The following PHACTR3 variants were observed in gnomAD, a reference collection of about 807,000 sequenced individuals.
PHACTR3 encodes the protein protein phosphatase 1, regulatory subunit 123.
A neutral mutation model predicts 66.8 loss-of-function variants in PHACTR3; 16 were observed. That is an observed-to-expected ratio of 0.24 (90% CI 0.16 to 0.36). The LOEUF (loss-of-function observed/expected upper bound fraction) is 0.36, where lower values mean the gene tolerates loss of function less well. PHACTR3 is among the 10% of genes least tolerant of loss of function. The probability of loss-of-function intolerance (pLI) is 1.00; values close to 1 mark genes in which losing one functional copy is unlikely to be tolerated. For synonymous variants in PHACTR3, 323 were observed against 292.1 expected (o/e 1.11, Z -1.08); for missense variants, 647 against 719.9 (o/e 0.90, Z 1.16).
At chr20:59,838,476 C>G (rs1045882264) in intron 9 of PHACTR3, among the ~76,000 whole-genome samples, 1 of 152,194 alleles carries the variant, frequency 6.6e-6, no homozygotes, top group African/African-American at 2.4e-5. Flanking sequence ...AGCAGAAGAG[C>G]AGGGGTCCCT....
chr20:59,600,878 T>C (rs1222760748), upstream of PHACTR3, among the ~76,000 whole-genome samples: 1 of 151,288 alleles, frequency 6.6e-6, no homozygotes, highest in Non-Finnish European at 1.5e-5. Context: ...GTGTTGATTA[T>C]GCCCACCAGG....
intron 1 of PHACTR3, among the ~76,000 whole-genome samples, chr20:59,700,460 G>A (rs976238953): frequency 1.3e-5 from 2 of 152,176 alleles, no homozygotes; most frequent in African/African-American, 4.8e-5. Flanking sequence ...TAAAACATTG[G>A]CCTGCAAAGA....
At chr20:59,583,988 G>A (rs1042429973) in intron 1 of PHACTR3, among the ~76,000 whole-genome samples, 6 of 152,388 alleles carry the variant, frequency 3.9e-5, no homozygotes, top group Admixed American at 6.5e-5. Flanking sequence ...CTCACACTAC[G>A]AAGTGGGCCA....
intron 1 of PHACTR3, among the ~76,000 whole-genome samples, chr20:59,702,351 C>T (rs1442339051): frequency 6.6e-6 from 1 of 152,130 alleles, no homozygotes; most frequent in Non-Finnish European, 1.5e-5. Context: ...TTTTGTGCAC[C>T]ATGTTGGATC....
chr20:59,589,099 C>T (rs888413326), intron 1 of PHACTR3, among the ~76,000 whole-genome samples: 20 of 152,194 alleles, frequency 1.3e-4, no homozygotes, highest in African/African-American at 4.3e-4. Flanking sequence ...CAGCAGGGTC[C>T]GTGACCGCAA....
intron 1 of PHACTR3, among the ~76,000 whole-genome samples, chr20:59,629,125 A>C (rs2146386940): frequency 6.6e-6 from 1 of 152,330 alleles, no homozygotes; most frequent in Non-Finnish European, 1.5e-5. Context: ...TTGACTTTTA[A>C]ATAATGAGGC....
intron 12 of PHACTR3, 119 bp downstream of exon 12, chr20:59,845,384 T>G (rs2145537422): frequency 1.6e-6 from 1 of 642,144 alleles, no homozygotes; most frequent in South Asian, 2.0e-5. Context: ...TCCAGAGAAC[T>G]CTATTGAACA....
At chr20:59,792,427 T>C (rs1600666060) in intron 7 of PHACTR3, among the ~76,000 whole-genome samples, 1 of 152,236 alleles carries the variant, frequency 6.6e-6, no homozygotes. Context: ...TCCTCTGATA[T>C]ATTCTCACCA....
chr20:59,618,025 G>T (rs1365539035), intron 1 of PHACTR3, among the ~76,000 whole-genome samples: 2 of 152,236 alleles, frequency 1.3e-5, no homozygotes, highest in African/African-American at 4.8e-5. Context: ...TTGTGGAGGG[G>T]TTGGCATATC....
At chr20:59,754,907 CAG>C (rs1405233988) in intron 3 of PHACTR3, among the ~76,000 whole-genome samples, 6 of 152,210 alleles carry the variant, frequency 3.9e-5, no homozygotes, top group Non-Finnish European at 8.8e-5. Flanking sequence ...GGACGTGGCT[CAG>C]GGGCACTGCA....
intron 1 of PHACTR3, among the ~76,000 whole-genome samples, chr20:59,613,971 A>T (rs17731193): frequency 0.046 from 7,059 of 152,340 alleles, 217 homozygotes; most frequent in Middle Eastern, 0.075. Context: ...AACTCTTGTT[A>T]TAAAAGGAGC....
At chr20:59,761,962 A>G (rs1012016233) in intron 4 of PHACTR3, among the ~76,000 whole-genome samples, 16 of 152,230 alleles carry the variant, frequency 1.1e-4, no homozygotes, top group African/African-American at 3.1e-4. Context: ...TTGATTCAGC[A>G]CTTGAGATGT....
At chr20:59,774,845 G>T (rs1032533247) in intron 7 of PHACTR3, among the ~76,000 whole-genome samples, 4 of 152,000 alleles carry the variant, frequency 2.6e-5, no homozygotes, top group African/African-American at 9.7e-5. Flanking sequence ...TATATAGTTG[G>T]TGTACAGATG....
chr20:59,799,942 T>C (rs1008354912), intron 7 of PHACTR3, among the ~76,000 whole-genome samples: 1 of 152,196 alleles, frequency 6.6e-6, no homozygotes, highest in African/African-American at 2.4e-5. Context: ...TCTGTTGGCT[T>C]ATTAGCTATA....
chr20:59,804,347 T>C lies in PHACTR3; in HGVS notation c.1175-1694T>C, dbSNP rs184920718. ...AGCAAATACGATTGAAAGTATGTGA[T>C]GATAAGCCTGAGACATTTGCAATGG... On this transcript the variant is annotated intron_variant, in intron 7 of 12. Coordinates refer to ENST00000371015, the MANE Select transcript of PHACTR3 (RefSeq NM_080672.5). Among the ~76,000 whole-genome samples the C allele has an allele frequency of 6.6e-5, 10 of 152,364 alleles. No individual in the cohort carries two copies. In the East Asian group the frequency reaches 1.9e-3, roughly 29 times the overall value.
intron 7 of PHACTR3, among the ~76,000 whole-genome samples, chr20:59,776,876 G>C (rs1230670253): frequency 6.6e-6 from 1 of 152,166 alleles, no homozygotes; most frequent in African/African-American, 2.4e-5. Flanking sequence ...TTCTCTGATT[G>C]AGTGCTCTGC....
intron 1 of PHACTR3, among the ~76,000 whole-genome samples, chr20:59,723,871 G>T (rs2038449620): frequency 6.6e-6 from 1 of 152,036 alleles, no homozygotes; most frequent in South Asian, 2.1e-4. Flanking sequence ...TGGCGACTAG[G>T]TCTTTGTGGT....
chr20:59,673,664 T>C (rs1030340743), intron 1 of PHACTR3, among the ~76,000 whole-genome samples: 2 of 152,124 alleles, frequency 1.3e-5, no homozygotes, highest in Non-Finnish European at 2.9e-5. Flanking sequence ...GATTCCGACT[T>C]GTACCCGGGC....
chr20:59,783,888 C>T (rs963075351), intron 7 of PHACTR3, among the ~76,000 whole-genome samples: 6 of 152,248 alleles, frequency 3.9e-5, no homozygotes, highest in Non-Finnish European at 7.3e-5. Context: ...TGTTCTGGGC[C>T]AGCCGTGTGC....
Sources: allele counts gnomAD v4.1 joint callset (sites outside exome capture counted in the v4.1 genomes callset), GRCh38; gene constraint gnomAD v4.1.1; transcripts MANE v1.5; gene names NCBI Gene and HGNC (gene_info 2026-07-23, HGNC 2026-07-21).